The following EHBP1 variants were observed in gnomAD, a reference collection of about 807,000 sequenced individuals.
The protein encoded by EHBP1 is EH domain-binding protein 1.
A neutral mutation model predicts 144.0 loss-of-function variants in EHBP1; 55 were observed. The ratio of observed to expected loss-of-function variants is 0.38; its 90% CI spans 0.31 to 0.48. EHBP1 has a LOEUF of 0.48. EHBP1 is among the 20% of genes least tolerant of loss of function. EHBP1 has a pLI of 0.98. For missense variants in EHBP1, 1,200 were observed against 1,364.2 expected, an observed-to-expected ratio of 0.88 and a Z score of 1.90; for synonymous variants, 469 against 472.7, an observed-to-expected ratio of 0.99 and a Z score of 0.10.
intron 5 of EHBP1, among the ~76,000 whole-genome samples, chr2:62,814,583 A>G (rs1162214855): frequency 2.0e-5 from 3 of 152,224 alleles, no homozygotes; most frequent in African/African-American, 7.2e-5. Flanking sequence ...AAGAGTTCTG[A>G]TGGATAAGGG....
At chr2:62,803,407 G>T (rs1490375236) in intron 5 of EHBP1, among the ~76,000 whole-genome samples, 1 of 152,144 alleles carries the variant, frequency 6.6e-6, no homozygotes, top group Non-Finnish European at 1.5e-5. Flanking sequence ...CACCAACAGT[G>T]ATTGAAATGC....
intron 19 of EHBP1, among the ~76,000 whole-genome samples, chr2:63,010,317 G>A (rs1189029437): frequency 6.6e-6 from 1 of 151,186 alleles, no homozygotes; most frequent in Admixed American, 6.6e-5. Flanking sequence ...TCACATTCCA[G>A]CCTCATTCCC....
intron 19 of EHBP1, among the ~76,000 whole-genome samples, chr2:63,028,470 A>G (rs924637647): frequency 2.0e-5 from 3 of 151,766 alleles, no homozygotes; most frequent in African/African-American, 2.4e-5. Context: ...TGGTCTTGCT[A>G]TGTTCCACAG....
intron 1 of EHBP1, among the ~76,000 whole-genome samples, chr2:62,682,330 G>T (rs2033560255): frequency 6.6e-6 from 1 of 152,204 alleles, no homozygotes; most frequent in Non-Finnish European, 1.5e-5. Flanking sequence ...AGTGGGAATA[G>T]CTACGATTTA....
chr2:62,896,189 TAAG>T (rs1327155799), intron 10 of EHBP1, among the ~76,000 whole-genome samples: 1 of 152,126 alleles, frequency 6.6e-6, no homozygotes, highest in Non-Finnish European at 1.5e-5. Flanking sequence ...TAAGAGATAA[TAAG>T]GAGACAACAG....
chr2:62,894,824 G>A (rs1258494405), intron 10 of EHBP1, among the ~76,000 whole-genome samples: 1 of 151,868 alleles, frequency 6.6e-6, no homozygotes, highest in Non-Finnish European at 1.5e-5. Context: ...AGGTTAAGGT[G>A]GGAGGATTGC....
At chr2:62,698,742 C>T (rs189559638) in intron 1 of EHBP1, among the ~76,000 whole-genome samples, 2 of 152,294 alleles carry the variant, frequency 1.3e-5, no homozygotes, top group East Asian at 3.9e-4. Flanking sequence ...AAAAGAGAGG[C>T]CTGGAACAAT....
chr2:62,712,605 A>G (rs1452254161), intron 2 of EHBP1, among the ~76,000 whole-genome samples: 2 of 152,244 alleles, frequency 1.3e-5, no homozygotes, highest in Non-Finnish European at 2.9e-5. Flanking sequence ...GAAGAGAGAC[A>G]GGGAAATTGA....
intron 8 of EHBP1, among the ~76,000 whole-genome samples, chr2:62,860,226 A>G (rs2049393527): frequency 6.6e-6 from 1 of 152,192 alleles, no homozygotes; most frequent in East Asian, 1.9e-4. Context: ...ACGGTGGCTC[A>G]CGCCTGTAAT....
At position 62,948,466 on chromosome 2, in the gene EHBP1, A is replaced by G. The variant is rs558139069; in HGVS notation, c.1620A>G (p.Thr540=). The G allele has an allele frequency of 1.2e-6, 2 of 1,613,442 alleles. No homozygotes were observed. Among genetic ancestry groups the G allele is most frequent in the African/African-American group, 1.3e-5 (1 of 75,014 alleles). ...TYKVGNYETD[T]NSSVDQEKFY... is the part of the protein sequence containing the mutation. ...AAGTTGGAAACTATGAAACAGATAC[A>G]AACAGTTCTGTTGATCAAGAAAAAT... Residue 540 remains threonine, a synonymous_variant, in exon 13 of 23, where the codon ACA becomes ACG. Transcript: ENST00000431489.
intron 10 of EHBP1, among the ~76,000 whole-genome samples, chr2:62,933,183 T>C (rs1218143435): frequency 2.6e-5 from 4 of 151,870 alleles, no homozygotes; most frequent in Non-Finnish European, 5.9e-5. Flanking sequence ...TATAGTATTT[T>C]CATGAAAAAT....
At chr2:62,908,466 A>T (rs2053965159) in intron 10 of EHBP1, among the ~76,000 whole-genome samples, 1 of 151,302 alleles carries the variant, frequency 6.6e-6, no homozygotes, top group South Asian at 2.1e-4. Flanking sequence ...TTCTACTCTG[A>T]TCTTTATTAC....
chr2:63,012,221 A>G (rs1349638729), intron 19 of EHBP1, among the ~76,000 whole-genome samples: 1 of 152,028 alleles, frequency 6.6e-6, no homozygotes, highest in Non-Finnish European at 1.5e-5. Flanking sequence ...ATACTAGTCT[A>G]GTGGTTTCCT....
chr2:63,037,489 T>C (rs1285379960), intron 19 of EHBP1, 46 bp from the exon 20 acceptor site: 3 of 1,300,934 alleles, frequency 2.3e-6, no homozygotes, highest in Non-Finnish European at 3.3e-6. Flanking sequence ...ACTATTTGGC[T>C]TGTTTTAACA....
intron 15 of EHBP1, among the ~76,000 whole-genome samples, chr2:62,982,403 ATG>A (rs2059010344): frequency 6.6e-6 from 1 of 152,174 alleles, no homozygotes; most frequent in Non-Finnish European, 1.5e-5. Context: ...AGTAGGCTGG[ATG>A]TTGCCCCTGG....
intron 19 of EHBP1, among the ~76,000 whole-genome samples, chr2:63,031,749 C>T (rs1321336915): frequency 1.3e-5 from 2 of 152,004 alleles, no homozygotes; most frequent in South Asian, 2.1e-4. Context: ...GCCACCATGG[C>T]GAAACCCCAC....
At chr2:62,920,635 A>G (rs903786449) in intron 10 of EHBP1, among the ~76,000 whole-genome samples, 1 of 152,062 alleles carries the variant, frequency 6.6e-6, no homozygotes, top group Non-Finnish European at 1.5e-5. Context: ...TTAATTTAAG[A>G]GATTCAGGCA....
chr2:62,786,088 G>A (rs2042784332), intron 5 of EHBP1, among the ~76,000 whole-genome samples: 1 of 152,164 alleles, frequency 6.6e-6, no homozygotes, highest in Non-Finnish European at 1.5e-5. Flanking sequence ...TCTGCCACTT[G>A]TGATTCAGTT....
chr2:63,027,821 G>A (rs1333498455), intron 19 of EHBP1, among the ~76,000 whole-genome samples: 2 of 152,200 alleles, frequency 1.3e-5, no homozygotes, highest in South Asian at 2.1e-4. Flanking sequence ...GGAGGTAGGG[G>A]TAAGGTCAGG....
Sources: gnomAD v4.1 joint callset for allele counts (sites outside exome capture counted in the v4.1 genomes callset) on GRCh38, gnomAD v4.1.1 for gene constraint, MANE v1.5 for transcripts, NCBI Gene and HGNC (gene_info 2026-07-23, HGNC 2026-07-21) for gene names.